Variants in GRK5 observed in about 807,000 individuals in gnomAD.
GRK5 encodes the protein g protein-coupled receptor kinase GRK5.
Under a neutral mutation model 78.4 loss-of-function variants are expected in GRK5, and 40 were observed. That is an observed-to-expected ratio of 0.51 (90% CI 0.40 to 0.66). GRK5 has a LOEUF of 0.66. Among genes scored for constraint, GRK5 ranks in the 30% least tolerant of loss-of-function variants. The pLI is 0.00. For missense variants in GRK5, 598 were observed against 759.9 expected (o/e 0.79, Z 2.50); for synonymous variants, 289 against 296.8 (o/e 0.97, Z 0.27).
At chr10:119,213,104 G>A (rs1031842543) in intron 1 of GRK5, 7 of 152,266 alleles carry the variant, frequency 4.6e-5, no homozygotes, top group African/African-American at 1.7e-4. Flanking sequence ...TCTGTGCATA[G>A]CCACTGCCCT....
intron 4 of GRK5, among the ~76,000 whole-genome samples, chr10:119,402,858 C>T (rs1852172024): frequency 6.6e-6 from 1 of 152,052 alleles, no homozygotes; most frequent in Non-Finnish European, 1.5e-5. Context: ...CATTTCAAAA[C>T]AAAAAACAAA....
chr10:119,399,272 T>C, intron 4 of GRK5, among the ~76,000 whole-genome samples: 1 of 152,256 alleles, frequency 6.6e-6, no homozygotes, highest in East Asian at 1.9e-4. Flanking sequence ...GCTGTTTCCC[T>C]ACAATAAACT....
chr10:119,377,188 A>G (rs577918994), intron 2 of GRK5, among the ~76,000 whole-genome samples: 24 of 152,324 alleles, frequency 1.6e-4, no homozygotes, highest in African/African-American at 5.3e-4. Context: ...CTGGATTTCA[A>G]CAACATTGCC....
intron 1 of GRK5, among the ~76,000 whole-genome samples, chr10:119,220,568 CT>C (rs1848641039): frequency 6.6e-6 from 1 of 152,150 alleles, no homozygotes; most frequent in Admixed American, 6.5e-5. Context: ...GGCATGGTGG[CT>C]CATGCCTGTA....
rs73443078 is a variant in GRK5, at chr10:119,417,202, C to T, written c.340-5964C>T. 7.8e-3 allele frequency among the ~76,000 whole-genome samples: 1,190 copies of T among 152,238 alleles called. 20 individuals are homozygous for T. Among genetic ancestry groups the T allele is most frequent in the African/African-American group, 0.027 (1,139 of 41,534 alleles). ...AGGGTGGGTGTCTGAGCATCAGCCTCGGGTGTGGTGGGTGATCCACACGTG... is the reference window on the plus strand; with the variant it reads ...AGGGTGGGTGTCTGAGCATCAGCCTTGGGTGTGGTGGGTGATCCACACGTG... On this transcript the variant is annotated intron_variant, in intron 4 of 15. Transcript: ENST00000392870.
At chr10:119,306,504 G>C (rs1307055516) in intron 1 of GRK5, among the ~76,000 whole-genome samples, 1 of 152,182 alleles carries the variant, frequency 6.6e-6, no homozygotes, top group Non-Finnish European at 1.5e-5. Context: ...ATGTGAAATG[G>C]AAGCCCAGAG....
intron 4 of GRK5, among the ~76,000 whole-genome samples, chr10:119,398,219 G>T (rs1253683560): frequency 6.6e-6 from 1 of 152,110 alleles, no homozygotes; most frequent in Non-Finnish European, 1.5e-5. Flanking sequence ...ATATTGGTGG[G>T]GCTCTGGCTA....
chr10:119,290,104 T>C (rs1240500187), intron 1 of GRK5, among the ~76,000 whole-genome samples: 1 of 152,078 alleles, frequency 6.6e-6, no homozygotes, highest in Non-Finnish European at 1.5e-5. Context: ...CCCAGCACTT[T>C]GGGAGGCCAA....
chr10:119,242,794 TGAA>T (rs1849047344), intron 1 of GRK5, among the ~76,000 whole-genome samples: 1 of 152,054 alleles, frequency 6.6e-6, no homozygotes, highest in African/African-American at 2.4e-5. Flanking sequence ...TGCCACCTTG[TGAA>T]GAAGGTGTCT....
intron 4 of GRK5, among the ~76,000 whole-genome samples, chr10:119,414,409 A>T (rs938141595): frequency 2.0e-5 from 3 of 152,194 alleles, no homozygotes; most frequent in Admixed American, 2.0e-4. Context: ...GAGACACATG[A>T]CAGCACTATA....
chr10:119,209,498 T>G (rs1324872637), intron 1 of GRK5, among the ~76,000 whole-genome samples: 2 of 55,770 alleles, frequency 3.6e-5, no homozygotes, highest in African/African-American at 1.7e-4. Context: ...TTTTTTTTTT[T>G]TTTTTTTTTT....
At chr10:119,339,053 C>A (rs910647868) in intron 2 of GRK5, among the ~76,000 whole-genome samples, 12 of 152,208 alleles carry the variant, frequency 7.9e-5, no homozygotes, top group Admixed American at 5.9e-4. Context: ...CTGGAATGTT[C>A]TTTTCATTTC....
At position 119,267,187 on chromosome 10, in the gene GRK5, G is replaced by A. The variant is rs1056332921; in HGVS notation, c.52+59218G>A. Among the ~76,000 whole-genome samples the A allele has an allele frequency of 1.3e-5, 2 of 151,022 alleles. No individual in the cohort carries two copies. The highest frequency in any genetic ancestry group is 3.0e-5 in the Non-Finnish European group (2 of 67,764). ...GAACCTGCGAGGCGGAGGTTGCAGC[G>A]AGCCGAGATCACACCATTGCACTCC... is the stretch of plus-strand genomic sequence containing the variant. On this transcript the variant is annotated intron_variant, in intron 1 of 15. Transcript: ENST00000392870. The surrounding 1 kb of genome is among the most constrained non-coding windows in gnomAD (Gnocchi z 4.1).
At chr10:119,323,904 C>T (rs1054403561) in intron 1 of GRK5, among the ~76,000 whole-genome samples, 1 of 152,074 alleles carries the variant, frequency 6.6e-6, no homozygotes, top group African/African-American at 2.4e-5. Flanking sequence ...GCCTTTGTGT[C>T]CTCATCTGAG....
intron 1 of GRK5, among the ~76,000 whole-genome samples, chr10:119,243,575 T>TTC (rs1310723646): frequency 9.9e-5 from 15 of 151,910 alleles, no homozygotes; most frequent in Admixed American, 1.3e-4. Flanking sequence ...TCTTTTTTTT[T>TTC]TTTTTTTTCT....
At chr10:119,339,053 C>CT (rs944757003) in intron 2 of GRK5, among the ~76,000 whole-genome samples, 1 of 152,208 alleles carries the variant, frequency 6.6e-6, no homozygotes, top group Non-Finnish European at 1.5e-5. Flanking sequence ...CTGGAATGTT[C>CT]TTTTCATTTC....
chr10:119,453,354 C>CA, intron 15 of GRK5, 78 bp downstream of exon 15: 1 of 1,536,250 alleles, frequency 6.5e-7, no homozygotes, highest in Non-Finnish European at 8.9e-7. Flanking sequence ...CGAGAAGACC[C>CA]ACAGTAGAGA....
intron 1 of GRK5, among the ~76,000 whole-genome samples, chr10:119,311,248 C>T (rs1261687239): frequency 1.3e-5 from 2 of 152,180 alleles, no homozygotes; most frequent in Non-Finnish European, 2.9e-5. Context: ...TATGTCCAAG[C>T]ACTGTTCTAG....
intron 1 of GRK5, among the ~76,000 whole-genome samples, chr10:119,298,594 A>T (rs535756267): frequency 6.6e-6 from 1 of 152,204 alleles, no homozygotes; most frequent in South Asian, 2.1e-4. Context: ...TTCACCCTGC[A>T]TCCACAAATG....
Sources: allele counts gnomAD v4.1 joint callset (sites outside exome capture counted in the v4.1 genomes callset), GRCh38; gene constraint gnomAD v4.1.1; non-coding constraint Gnocchi (gnomAD v3.1); transcripts MANE v1.5; gene names NCBI Gene and HGNC (gene_info 2026-07-23, HGNC 2026-07-21).